The following JHY variants were observed in gnomAD, a reference collection of about 807,000 sequenced individuals.
The protein encoded by JHY is junctional cadherin complex regulator, also known as jhy protein homolog.
A neutral mutation model predicts 78.0 loss-of-function variants in JHY; 69 were observed. That is an observed-to-expected ratio of 0.88 (90% CI 0.73 to 1.08). The LOEUF is 1.08. Among genes scored for constraint, JHY ranks in the 50% least tolerant of loss-of-function variants. The probability of loss-of-function intolerance (pLI) is 0.00; values close to 1 mark genes in which losing one functional copy is unlikely to be tolerated. For synonymous variants in JHY, 368 were observed against 342.6 expected (o/e 1.07, Z -0.82); for missense variants, 944 against 927.8 (o/e 1.02, Z -0.23).
chr11:122,945,756 T>G (rs1863949261), intron 5 of JHY, among the ~76,000 whole-genome samples: 1 of 152,224 alleles, frequency 6.6e-6, no homozygotes, highest in Admixed American at 6.5e-5. Context: ...AAGGTAAATT[T>G]GAAATCCAAA....
chr11:122,901,739 G>A (rs909500548), intron 2 of JHY, among the ~76,000 whole-genome samples: 1 of 151,974 alleles, frequency 6.6e-6, no homozygotes, highest in Non-Finnish European at 1.5e-5. Flanking sequence ...CAGGCGCGGT[G>A]GCAGGTGCCT....
chr11:122,905,302 A>T lies in JHY; in HGVS notation c.864+858A>T, dbSNP rs1032654587. 4 of 1,605,116 alleles carry T rather than the reference A, an allele frequency of 2.5e-6. No individual in the cohort carries two copies. The African/African-American group carries it at 5.4e-5, about 21-fold the overall frequency. On this transcript the variant is annotated intron_variant, in intron 3 of 8. Coordinates refer to ENST00000227349, the MANE Select transcript of JHY (RefSeq NM_024806.4). ...CTCCTATGGACATGTCCAGGGATAC[A>T]GGACAAGAGTGGGGTTAGAATGGTA...
At chr11:122,946,126 C>A (rs181799909) in intron 5 of JHY, among the ~76,000 whole-genome samples, 14 of 152,200 alleles carry the variant, frequency 9.2e-5, no homozygotes, top group Admixed American at 2.6e-4. Context: ...TCCTTTTGTT[C>A]GTTTTGGTCT....
At chr11:122,925,746 G>A (rs1366008382) in intron 4 of JHY, among the ~76,000 whole-genome samples, 2 of 151,684 alleles carry the variant, frequency 1.3e-5, no homozygotes, top group Non-Finnish European at 2.9e-5. Flanking sequence ...GGTCAGGCCC[G>A]TTGGCTCATG....
At chr11:122,953,178 T>G (rs1359852121) in intron 6 of JHY, among the ~76,000 whole-genome samples, 2 of 152,160 alleles carry the variant, frequency 1.3e-5, no homozygotes, top group Non-Finnish European at 2.9e-5. Flanking sequence ...ATCTTAAATG[T>G]TCAACATTTA....
In JHY at chr11:122,904,241, AAGTCGAGC is replaced by A. The variant is rs1457827518; in HGVS notation, c.664_671del (p.Ser222ProfsTer12). ...GCTGAGCGACAGTGACCTGGAGGAG[AAGTCGAGC>A]AGCCTTTCTCCGTACGTGAAGAGCT... On this transcript the variant is annotated frameshift_variant, in exon 3 of 9. Transcript: ENST00000227349. LOFTEE classifies it high-confidence loss of function. The A allele has an allele frequency of 6.2e-7, 1 of 1,614,002 alleles. No individual in the cohort carries two copies.
At position 122,934,679 on chromosome 11, in the gene JHY, C is replaced by G. The variant is rs139995595; in HGVS notation, c.1238C>G (p.Ser413Trp). ...CTTGATACTTCAACAAAGCCTGAAT[C>G]GATTGTGATTATGCATGCCTCTAAC... ...KPLDTSTKPE[S>W]IVIMHASNND... Residue 413 changes from serine to tryptophan, a missense_variant, in exon 5 of 9, where the codon TCG becomes TGG. Ser to Trp is a radical substitution (Grantham distance 177). Coordinates refer to ENST00000227349, the MANE Select transcript of JHY (RefSeq NM_024806.4). 3.1e-6 allele frequency: 5 copies of G among 1,614,136 alleles called. No homozygotes were observed. Among genetic ancestry groups the G allele is most frequent in the Non-Finnish European group, 3.4e-6 (4 of 1,180,020 alleles).
At chr11:122,923,693 T>TTTTATTTATTTATTTATCTATTTATA (rs1863426048) in intron 3 of JHY, among the ~76,000 whole-genome samples, 2 of 148,498 alleles carry the variant, frequency 1.3e-5, no homozygotes, top group Non-Finnish European at 2.9e-5. Context: ...CTGGGGAGCT[T>TTTTATTTATTTATTTATCTATTTATA]TTTATTTATT....
chr11:122,936,171 G>A (rs147534053), intron 5 of JHY, among the ~76,000 whole-genome samples: 28 of 152,184 alleles, frequency 1.8e-4, no homozygotes, highest in South Asian at 1.2e-3. Context: ...GGTGTTCTTC[G>A]ATCAAACGTC....
At chr11:122,938,363 C>G (rs1205150102) in intron 5 of JHY, among the ~76,000 whole-genome samples, 2 of 151,980 alleles carry the variant, frequency 1.3e-5, no homozygotes, top group African/African-American at 4.8e-5. Context: ...TAGCTTCCAG[C>G]CTTTCTACTG....
intron 4 of JHY, among the ~76,000 whole-genome samples, chr11:122,926,524 A>T (rs1157181195): frequency 6.6e-6 from 1 of 152,198 alleles, no homozygotes; most frequent in Non-Finnish European, 1.5e-5. Context: ...ATAAAAAGTC[A>T]TTCACCCAGA....
Position 122,960,998 on chromosome 11 carries a change from C to G in JHY, c.*1553C>G. 1.1e-6 allele frequency: 1 copy of G among 917,460 alleles called. No homozygotes were observed. 56.8% of individuals were successfully genotyped at this position (917,460 alleles called of 1,614,324 possible). ...ACATGATAAATTGGGTGCAGAGCAT[C>G]TCTGCACAACAGGAAAAGGAGACAA... On this transcript the variant is annotated 3_prime_UTR_variant, in exon 9 of 9. Transcript: ENST00000227349.
intron 4 of JHY, among the ~76,000 whole-genome samples, chr11:122,925,278 G>A (rs1359323060): frequency 6.6e-6 from 1 of 152,206 alleles, no homozygotes; most frequent in Non-Finnish European, 1.5e-5. Context: ...CCACACAGAA[G>A]GAAGGCATGG....
intron 5 of JHY, among the ~76,000 whole-genome samples, chr11:122,936,997 G>A (rs2135359137): frequency 6.6e-6 from 1 of 152,184 alleles, no homozygotes; most frequent in Non-Finnish European, 1.5e-5. Flanking sequence ...GGTGGGTTTT[G>A]TTTGGCTTTT....
chr11:122,912,053 G>T lies in JHY; in HGVS notation c.864+7609G>T, dbSNP rs187840586. Among the ~76,000 whole-genome samples, 383 of 152,036 alleles carry T rather than the reference G, an allele frequency of 2.5e-3. 4 individuals carry two copies. Among genetic ancestry groups the T allele is most frequent in the African/African-American group, 8.8e-3 (367 of 41,482 alleles). On this transcript the variant is annotated intron_variant, in intron 3 of 8. Transcript: ENST00000227349. ...TGTAATCCCAGCACTTTGGGAGGCT[G>T]GGGTGGGCGGATCACCTGAAGTCAG...
chr11:122,953,949 G>A (rs58946989), intron 6 of JHY, among the ~76,000 whole-genome samples: 5,060 of 152,272 alleles, frequency 0.033, 147 homozygotes, highest in South Asian at 0.092. Context: ...TCCTTGTAGT[G>A]TAGAAGTGTT....
intron 3 of JHY, among the ~76,000 whole-genome samples, chr11:122,914,036 T>C (rs1235276753): frequency 6.6e-6 from 1 of 152,214 alleles, no homozygotes; most frequent in Non-Finnish European, 1.5e-5. Context: ...CATTTATTAT[T>C]TTGGCAAATC....
At chr11:122,922,809 CAAAAAAAAAAAA>C (rs571482464) in intron 3 of JHY, among the ~76,000 whole-genome samples, 12,773 of 44,382 alleles carry the variant, frequency 0.29, 1,144 homozygotes, top group South Asian at 0.36. Flanking sequence ...GACTCCGTCT[CAAAAAAAAAAAA>C]AAAAAAAAAA....
At chr11:122,896,291 T>G (rs1443455689) in intron 2 of JHY, among the ~76,000 whole-genome samples, 1 of 130,908 alleles carries the variant, frequency 7.6e-6, no homozygotes, top group African/African-American at 2.9e-5. Flanking sequence ...TGCAGTGAGC[T>G]GAGATCGCAC....
Sources: allele counts gnomAD v4.1 joint callset (sites outside exome capture counted in the v4.1 genomes callset), GRCh38; gene constraint gnomAD v4.1.1; transcripts MANE v1.5; gene names NCBI Gene and HGNC (gene_info 2026-07-23, HGNC 2026-07-21).